CFTR: variants seen among roughly 807,000 people sequenced by gnomAD.
CFTR encodes CF transmembrane conductance regulator, also known as cystic fibrosis transmembrane conductance regulator.
In CFTR, 181 loss-of-function variants were observed where a neutral mutation model predicts 171.6. The observed-to-expected ratio is 1.05, with a 90% confidence interval of 0.93 to 1.19. The LOEUF (loss-of-function observed/expected upper bound fraction) is 1.19. CFTR is among the 50% of genes most tolerant of loss of function. The pLI is 0.00. For missense variants in CFTR, 1,968 were observed against 1,734.7 expected (o/e 1.13, Z -2.39); for synonymous variants, 583 against 608.0 (o/e 0.96, Z 0.60).
intron 4 of CFTR, among the ~76,000 whole-genome samples, chr7:117,533,513 C>T (rs1584786112): frequency 6.6e-6 from 1 of 152,210 alleles, no homozygotes; most frequent in East Asian, 1.9e-4. Context: ...GCATCAAGTA[C>T]AGTGATTTGC....
At chr7:117,519,574 G>C (rs1031626764) in intron 3 of CFTR, among the ~76,000 whole-genome samples, 3 of 151,686 alleles carry the variant, frequency 2.0e-5, no homozygotes, top group African/African-American at 7.3e-5. Context: ...ATTTTCTTCT[G>C]ATTAATAATC....
chr7:117,499,648 T>G (rs1451834902), intron 1 of CFTR, among the ~76,000 whole-genome samples: 1 of 151,454 alleles, frequency 6.6e-6, no homozygotes, highest in Non-Finnish European at 1.5e-5. Flanking sequence ...TTAATTAGTT[T>G]CTGTTAGAAA....
At position 117,627,579 on chromosome 7, in the gene CFTR, AC is replaced by A. The variant is rs78984783; in HGVS notation, c.3528del (p.Lys1177SerfsTer15). 276 of 1,613,238 alleles carry A rather than the reference AC, an allele frequency of 1.7e-4. No individual in the cohort carries two copies. Among genetic ancestry groups the A allele is most frequent in the Non-Finnish European group, 1.9e-4 (228 of 1,179,480 alleles). On this transcript the variant is annotated frameshift_variant, in exon 22 of 27. Coordinates refer to ENST00000003084, the MANE Select transcript of CFTR (RefSeq NM_000492.4). LOFTEE classifies it high-confidence loss of function. The stretch of plus-strand genomic sequence containing the variant: ...TGACATGCCAACAGAAGGTAAACCT[AC>A]CAAGTCAACCAAACCATACAAGAAT... ...FIDMPTEGKP[T>X]KSTKPYKNGQ... is the part of the protein sequence containing the mutation.
intron 2 of CFTR, among the ~76,000 whole-genome samples, chr7:117,507,038 G>A (rs1049297185): frequency 6.6e-6 from 1 of 152,144 alleles, no homozygotes; most frequent in African/African-American, 2.4e-5. Flanking sequence ...TTGTGACCAT[G>A]GATTGAATCC....
At chr7:117,494,438 TC>T (rs4148685) in intron 1 of CFTR, among the ~76,000 whole-genome samples, 84,341 of 151,836 alleles carry the variant, frequency 0.56, 26,381 homozygotes, top group African/African-American at 0.86. Context: ...GATTCCTGAC[TC>T]CTATAACCCA....
chr7:117,659,650 A>G (rs1269184653), intron 24 of CFTR, among the ~76,000 whole-genome samples: 3 of 152,238 alleles, frequency 2.0e-5, no homozygotes, highest in Non-Finnish European at 4.4e-5. Context: ...TAATCTAAGT[A>G]CAATGTCTGT....
intron 11 of CFTR, among the ~76,000 whole-genome samples, chr7:117,586,677 A>G (rs1791938655): frequency 2.0e-5 from 3 of 152,158 alleles, no homozygotes; most frequent in Non-Finnish European, 4.4e-5. Flanking sequence ...TTGTGAAAGA[A>G]GAAGGAAGAA....
chr7:117,617,288 T>A (rs1237701816), intron 21 of CFTR, among the ~76,000 whole-genome samples: 1 of 152,064 alleles, frequency 6.6e-6, no homozygotes, highest in Non-Finnish European at 1.5e-5. Flanking sequence ...GGCTTTTTTT[T>A]TTTTTAACCT....
intron 1 of CFTR, among the ~76,000 whole-genome samples, chr7:117,496,079 C>T (rs1798234453): frequency 6.6e-6 from 1 of 152,158 alleles, no homozygotes; most frequent in Non-Finnish European, 1.5e-5. Context: ...CTTTCCATCT[C>T]TATAGATTTG....
At chr7:117,569,853 G>C (rs1432551293) in intron 11 of CFTR, among the ~76,000 whole-genome samples, 1 of 152,114 alleles carries the variant, frequency 6.6e-6, no homozygotes, top group African/African-American at 2.4e-5. Context: ...AGTTACTGCT[G>C]TGTGGCAAGC....
rs752955846 is a variant in CFTR at position 117,559,599 on chromosome 7, G to A, written c.1528G>A (p.Val510Ile). Residue 510 changes from valine (V) to isoleucine (I), a missense_variant, in exon 11 of 27, where the codon GTT becomes ATT. Physicochemically the swap from Val to Ile is conservative, Grantham distance 29. Coordinates refer to ENST00000003084, the MANE Select transcript of CFTR (RefSeq NM_000492.4). ...CATTAAAGAAAATATCATCTTTGGT[G>A]TTTCCTATGATGAATATAGATACAG... ...GTIKENIIFG[V>I]SYDEYRYRSV... 1.9e-6 allele frequency: 3 copies of A among 1,612,666 alleles called. No homozygotes were observed. Among genetic ancestry groups the A allele is most frequent in the South Asian group, 1.1e-5 (1 of 91,060 alleles).
intron 11 of CFTR, among the ~76,000 whole-genome samples, chr7:117,573,379 A>G (rs1408602536): frequency 6.6e-6 from 1 of 152,128 alleles, no homozygotes; most frequent in Non-Finnish European, 1.5e-5. Flanking sequence ...TACAATCTCA[A>G]ACAGACCCAA....
At chr7:117,573,023 A>G (rs997753689) in intron 11 of CFTR, among the ~76,000 whole-genome samples, 2 of 150,866 alleles carry the variant, frequency 1.3e-5, no homozygotes, top group African/African-American at 4.9e-5. Context: ...CATTAAATGT[A>G]ACACTCCACC....
intron 2 of CFTR, 133 bp downstream of exon 2, chr7:117,504,496 G>A (rs1387791213): frequency 4.7e-6 from 3 of 635,322 alleles, no homozygotes; most frequent in Admixed American, 2.4e-5. Flanking sequence ...GCTAATGCCT[G>A]TAATCCCAAC....
chr7:117,504,425 G>A (rs529639353), intron 2 of CFTR, 62 bp downstream of exon 2: 8 of 879,586 alleles, frequency 9.1e-6, no homozygotes, highest in Admixed American at 7.6e-5. Flanking sequence ...ATTTAGAGAA[G>A]AGAAAGCAAA....
At chr7:117,582,007 T>C (rs1007957881) in intron 11 of CFTR, among the ~76,000 whole-genome samples, 1 of 152,114 alleles carries the variant, frequency 6.6e-6, no homozygotes, top group Non-Finnish European at 1.5e-5. Flanking sequence ...TCACCTGCCT[T>C]GACCTCCCAA....
At chr7:117,524,176 A>T (rs1205554141) in intron 3 of CFTR, among the ~76,000 whole-genome samples, 2 of 152,208 alleles carry the variant, frequency 1.3e-5, no homozygotes, top group African/African-American at 4.8e-5. Context: ...TAAAGAATTG[A>T]CTTTATAAGC....
intron 24 of CFTR, among the ~76,000 whole-genome samples, chr7:117,654,505 T>G (rs1793136610): frequency 6.6e-6 from 1 of 152,108 alleles, no homozygotes; most frequent in African/African-American, 2.4e-5. Context: ...CTCCATGTGT[T>G]GAGGGAGGGA....
chr7:117,500,852 G>T (rs1345700150), intron 1 of CFTR, among the ~76,000 whole-genome samples: 1 of 152,160 alleles, frequency 6.6e-6, no homozygotes, highest in Non-Finnish European at 1.5e-5. Context: ...GTTTGATGAT[G>T]CTAGGCTATG....
Sources: allele counts gnomAD v4.1 joint callset (sites outside exome capture counted in the v4.1 genomes callset), GRCh38; gene constraint gnomAD v4.1.1; transcripts MANE v1.5; gene names NCBI Gene and HGNC (gene_info 2026-07-23, HGNC 2026-07-21).